The following SGMS1 variants were observed in gnomAD, a reference collection of about 807,000 sequenced individuals.
SGMS1 encodes the protein phosphatidylcholine:ceramide cholinephosphotransferase 1.
SGMS1 carries 13 observed loss-of-function variants against 46.2 expected under a neutral mutation model. The ratio of observed to expected loss-of-function variants is 0.28; its 90% CI spans 0.18 to 0.45. SGMS1 has a LOEUF of 0.45. SGMS1 is among the 20% of genes least tolerant of loss of function. The pLI, the probability that SGMS1 is intolerant of heterozygous loss-of-function variation, is 1.00. For missense variants in SGMS1, 324 were observed against 519.9 expected (o/e 0.62, Z 3.66); for synonymous variants, 203 against 187.8 (o/e 1.08, Z -0.66).
At chr10:50,575,615 C>T (rs2131866284) in intron 2 of SGMS1, among the ~76,000 whole-genome samples, 1 of 152,174 alleles carries the variant, frequency 6.6e-6, no homozygotes, top group East Asian at 1.9e-4. Context: ...CCTCCTCCCC[C>T]CACACACAAA....
chr10:50,357,150 C>T (rs1848167826), intron 6 of SGMS1, among the ~76,000 whole-genome samples: 1 of 151,668 alleles, frequency 6.6e-6, no homozygotes. Flanking sequence ...TATTTAGCCT[C>T]AATTTAGTAA....
At chr10:50,436,935 A>G (rs777247239) in intron 5 of SGMS1, among the ~76,000 whole-genome samples, 18 of 152,214 alleles carry the variant, frequency 1.2e-4, no homozygotes, top group Middle Eastern at 6.3e-3. Context: ...ACACAGAACT[A>G]TGTTCTGCAA....
chr10:50,448,765 T>C (rs1476475754), intron 5 of SGMS1, among the ~76,000 whole-genome samples: 1 of 123,080 alleles, frequency 8.1e-6, no homozygotes, highest in African/African-American at 3.0e-5. Context: ...AAAAAAAGAA[T>C]GAAAAGACAT....
chr10:50,390,509 T>C (rs943183149), intron 6 of SGMS1, among the ~76,000 whole-genome samples: 3 of 152,172 alleles, frequency 2.0e-5, no homozygotes, highest in Non-Finnish European at 2.9e-5. Flanking sequence ...CACACACCTG[T>C]AGTCTGTAGT....
chr10:50,420,549 A>C (rs2133594966), intron 6 of SGMS1, among the ~76,000 whole-genome samples: 1 of 152,358 alleles, frequency 6.6e-6, no homozygotes, highest in Middle Eastern at 3.4e-3. Context: ...CAAAAGGAAC[A>C]CAATTTGCTT....
At chr10:50,367,488 G>A (rs1360243651) in intron 6 of SGMS1, among the ~76,000 whole-genome samples, 1 of 152,078 alleles carries the variant, frequency 6.6e-6, no homozygotes, top group African/African-American at 2.4e-5. Flanking sequence ...CACCACTTGC[G>A]TGCCCACCAT....
intron 3 of SGMS1, among the ~76,000 whole-genome samples, chr10:50,497,928 A>G (rs1837629497): frequency 1.3e-5 from 2 of 152,180 alleles, no homozygotes. Context: ...CTGTTTACCT[A>G]TTTGAATGTG....
At chr10:50,499,864 GTA>G (rs2133754416) in intron 3 of SGMS1, among the ~76,000 whole-genome samples, 1 of 152,316 alleles carries the variant, frequency 6.6e-6, no homozygotes, top group East Asian at 1.9e-4. Flanking sequence ...TTCACATATT[GTA>G]TCTAAAAAAC....
intron 6 of SGMS1, among the ~76,000 whole-genome samples, chr10:50,358,983 C>T (rs1848202795): frequency 6.6e-6 from 1 of 152,202 alleles, no homozygotes; most frequent in African/African-American, 2.4e-5. Flanking sequence ...TAGAAGATTA[C>T]TTTTGATGCC....
At chr10:50,563,742 CAAAA>C (rs60882939) in intron 2 of SGMS1, among the ~76,000 whole-genome samples, 4 of 65,736 alleles carry the variant, frequency 6.1e-5, no homozygotes, top group Admixed American at 3.6e-4. Context: ...GACTCCGTCT[CAAAA>C]AAAAAAAAAA....
chr10:50,489,639 C>T (rs1211649462), intron 3 of SGMS1, among the ~76,000 whole-genome samples: 1 of 152,202 alleles, frequency 6.6e-6, no homozygotes, highest in Non-Finnish European at 1.5e-5. Context: ...TACATCAACC[C>T]TCCAAACGTT....
At chr10:50,533,687 AAAT>A (rs1471661495) in intron 2 of SGMS1, among the ~76,000 whole-genome samples, 2 of 152,108 alleles carry the variant, frequency 1.3e-5, no homozygotes, top group African/African-American at 4.8e-5. Context: ...AGGAAATAAT[AAAT>A]AATAATTTAT....
chr10:50,575,175 G>A (rs1838372869), intron 2 of SGMS1, among the ~76,000 whole-genome samples: 1 of 151,848 alleles, frequency 6.6e-6, no homozygotes, highest in Non-Finnish European at 1.5e-5. Context: ...AAAACAAAAT[G>A]AGTAAGTTCC....
chr10:50,449,688 A>G (rs1046004550), intron 5 of SGMS1, among the ~76,000 whole-genome samples: 2 of 151,594 alleles, frequency 1.3e-5, no homozygotes, highest in African/African-American at 4.9e-5. Context: ...AATTAGACTT[A>G]CACTCCCCAT....
chr10:50,405,270 C>T (rs1848997030), intron 6 of SGMS1, among the ~76,000 whole-genome samples: 1 of 152,006 alleles, frequency 6.6e-6, no homozygotes, highest in African/African-American at 2.4e-5. Context: ...TTATAATAAA[C>T]CTCAACATCT....
intron 6 of SGMS1, among the ~76,000 whole-genome samples, chr10:50,389,179 T>C (rs978816404): frequency 6.6e-6 from 1 of 152,076 alleles, no homozygotes; most frequent in Non-Finnish European, 1.5e-5. Context: ...ATACTATGGG[T>C]AGAGGTCAAA....
chr10:50,538,050 G>T (rs1838019161), intron 2 of SGMS1, among the ~76,000 whole-genome samples: 1 of 152,070 alleles, frequency 6.6e-6, no homozygotes, highest in South Asian at 2.1e-4. Context: ...GTTACAGTGA[G>T]CTATGATTAT....
chr10:50,323,813 C>G (rs1322210298), intron 8 of SGMS1, among the ~76,000 whole-genome samples: 1 of 152,180 alleles, frequency 6.6e-6, no homozygotes, highest in Admixed American at 6.5e-5. Context: ...AAATATTGCT[C>G]AAGTCTGTTT....
At chr10:50,609,520 A>AGTT (rs1838727851) in intron 1 of SGMS1, among the ~76,000 whole-genome samples, 1 of 51,530 alleles carries the variant, frequency 1.9e-5, no homozygotes, top group Admixed American at 1.8e-4. Flanking sequence ...CCTTCTCAAT[A>AGTT]GTTTTTTTTT....
Sources: gnomAD v4.1 joint callset for allele counts (sites outside exome capture counted in the v4.1 genomes callset) on GRCh38, gnomAD v4.1.1 for gene constraint, MANE v1.5 for transcripts, NCBI Gene and HGNC (gene_info 2026-07-23, HGNC 2026-07-21) for gene names.